KCNJ3: variants seen among roughly 807,000 people sequenced by gnomAD.
KCNJ3 encodes the protein potassium inwardly rectifying channel subfamily J member 3, also known as G protein-activated inward rectifier potassium channel 1.
A neutral mutation model predicts 39.2 loss-of-function variants in KCNJ3; 4 were observed. The ratio of observed to expected loss-of-function variants is 0.10; its 90% CI spans 0.05 to 0.23. The LOEUF (loss-of-function observed/expected upper bound fraction) is 0.23. KCNJ3 is among the 10% of genes least tolerant of loss of function. The pLI, the probability that KCNJ3 is intolerant of heterozygous loss-of-function variation, is 1.00. For missense variants in KCNJ3, 276 were observed against 634.9 expected (o/e 0.43, Z 6.08); for synonymous variants, 230 against 237.4 (o/e 0.97, Z 0.29).
intron 2 of KCNJ3, among the ~76,000 whole-genome samples, chr2:154,807,014 T>C (rs1446865136): frequency 1.3e-5 from 2 of 152,158 alleles, no homozygotes; most frequent in Admixed American, 1.3e-4. Context: ...AATGCCTCTG[T>C]TTCCATAATG....
At chr2:154,783,041 G>C (rs28523704) in intron 2 of KCNJ3, among the ~76,000 whole-genome samples, 5,778 of 152,068 alleles carry the variant, frequency 0.038, 220 homozygotes, top group African/African-American at 0.096. Context: ...AGCCGGGCGT[G>C]GTCGTGGGCA....
chr2:154,815,551 A>G (rs1687070554), intron 2 of KCNJ3, among the ~76,000 whole-genome samples: 1 of 152,228 alleles, frequency 6.6e-6, no homozygotes, highest in Non-Finnish European at 1.5e-5. Flanking sequence ...GACTAAATGG[A>G]TGGAAAATGT....
chr2:154,793,569 C>CA (rs1305953077), intron 2 of KCNJ3, among the ~76,000 whole-genome samples: 2 of 151,964 alleles, frequency 1.3e-5, no homozygotes, highest in African/African-American at 4.8e-5. Flanking sequence ...CTCAATTCTT[C>CA]AAAAAATATT....
intron 2 of KCNJ3, among the ~76,000 whole-genome samples, chr2:154,719,306 C>T (rs1685229559): frequency 6.6e-6 from 1 of 152,142 alleles, no homozygotes; most frequent in African/African-American, 2.4e-5. Context: ...TTGACTTAAC[C>T]TAAGCCATTG....
chr2:154,760,735 CTTTTTTT>C (rs887796000), intron 2 of KCNJ3, among the ~76,000 whole-genome samples: 2 of 127,752 alleles, frequency 1.6e-5, no homozygotes, highest in Admixed American at 7.9e-5. Context: ...TCTTTTTTTT[CTTTTTTT>C]TTTTTTTTTT....
At chr2:154,789,943 T>A (rs1261479454) in intron 2 of KCNJ3, among the ~76,000 whole-genome samples, 1 of 152,100 alleles carries the variant, frequency 6.6e-6, no homozygotes, top group Non-Finnish European at 1.5e-5. Context: ...TTAATAGGAA[T>A]ATGATGTATA....
intron 2 of KCNJ3, among the ~76,000 whole-genome samples, chr2:154,814,696 C>A (rs925983629): frequency 2.0e-5 from 3 of 151,904 alleles, no homozygotes; most frequent in African/African-American, 7.3e-5. Context: ...GGGAGGAAAT[C>A]TCTCAATATA....
At chr2:154,701,001 A>G (rs73019262) in intron 1 of KCNJ3, among the ~76,000 whole-genome samples, 18,417 of 152,170 alleles carry the variant, frequency 0.12, 1,186 homozygotes, top group East Asian at 0.19. Flanking sequence ...ATTTCAATGA[A>G]CTGCATACAA....
intron 2 of KCNJ3, among the ~76,000 whole-genome samples, chr2:154,781,646 G>T (rs954413612): frequency 1.7e-4 from 26 of 152,106 alleles, no homozygotes; most frequent in African/African-American, 6.0e-4. Context: ...CTTGGCTTTT[G>T]ATTGGTTTGT....
At chr2:154,725,191 C>G (rs1685332468) in intron 2 of KCNJ3, among the ~76,000 whole-genome samples, 1 of 150,852 alleles carries the variant, frequency 6.6e-6, no homozygotes, top group Non-Finnish European at 1.5e-5. Context: ...GATCACATTC[C>G]CACCTTGTCA....
At chr2:154,735,779 G>T (rs952135191) in intron 2 of KCNJ3, among the ~76,000 whole-genome samples, 32 of 152,250 alleles carry the variant, frequency 2.1e-4, no homozygotes, top group African/African-American at 7.0e-4. Flanking sequence ...ATTTTCTGCA[G>T]AATATTCCAC....
chr2:154,856,590 G>A lies in KCNJ3; in HGVS notation c.*1277G>A, dbSNP rs1687843034. The stretch of plus-strand genomic sequence containing the variant: ...ACTTATAGTTCAGGAGGAAGTTTTT[G>A]CACAGACCAGAGAGAAATTAAAATT... On this transcript the variant is annotated 3_prime_UTR_variant, in exon 3 of 3. Transcript: ENST00000295101. 1 of 152,036 alleles carries A rather than the reference G, an allele frequency of 6.6e-6. No individual in the cohort carries two copies. Among genetic ancestry groups the A allele is most frequent in the Admixed American group, 6.6e-5 (1 of 15,264 alleles). 9.4% of individuals were successfully genotyped at this position (152,036 alleles called of 1,614,324 possible).
chr2:154,718,782 G>A (rs897321854), intron 2 of KCNJ3, among the ~76,000 whole-genome samples: 9 of 152,122 alleles, frequency 5.9e-5, no homozygotes, highest in African/African-American at 1.4e-4. Context: ...ACATCTTAGA[G>A]TGGACATTTT....
chr2:154,767,921 A>G lies in KCNJ3; in HGVS notation c.919+58102A>G, dbSNP rs187746954. 4.3e-3 allele frequency among the ~76,000 whole-genome samples: 656 copies of G among 152,154 alleles called. 3 individuals are homozygous for G. The highest frequency in any genetic ancestry group is 0.015 in the African/African-American group (627 of 41,514). On this transcript the variant is annotated intron_variant, in intron 2 of 2. Coordinates refer to ENST00000295101, the MANE Select transcript of KCNJ3 (RefSeq NM_002239.4). Reference sequence around the variant, plus strand: ...GTATCTCATTGTGGTTTTGATTTGCATTTCTCTGATGGCCAGTGATGGTGA... The same window carrying G: ...GTATCTCATTGTGGTTTTGATTTGCGTTTCTCTGATGGCCAGTGATGGTGA...
chr2:154,747,727 G>A (rs1685772341), intron 2 of KCNJ3, among the ~76,000 whole-genome samples: 1 of 152,044 alleles, frequency 6.6e-6, no homozygotes, highest in African/African-American at 2.4e-5. Context: ...AATGAAATTA[G>A]AGTTGTAGGT....
chr2:154,831,116 G>A (rs540693652), intron 2 of KCNJ3, among the ~76,000 whole-genome samples: 1 of 152,202 alleles, frequency 6.6e-6, no homozygotes, highest in Admixed American at 6.5e-5. Flanking sequence ...GACCTCATCA[G>A]ATATTTTCTC....
chr2:154,745,891 C>T (rs926524143), intron 2 of KCNJ3, among the ~76,000 whole-genome samples: 9 of 151,902 alleles, frequency 5.9e-5, no homozygotes, highest in African/African-American at 1.7e-4. Context: ...CCCACTCAGC[C>T]GTCATTGATA....
chr2:154,793,469 C>T (rs2105211811), intron 2 of KCNJ3, among the ~76,000 whole-genome samples: 1 of 152,076 alleles, frequency 6.6e-6, no homozygotes, highest in South Asian at 2.1e-4. Context: ...AGTGGTCTTC[C>T]TTTTAACATC....
At chr2:154,727,448 C>T (rs1333388471) in intron 2 of KCNJ3, among the ~76,000 whole-genome samples, 2 of 151,082 alleles carry the variant, frequency 1.3e-5, no homozygotes, top group Admixed American at 1.3e-4. Flanking sequence ...CAAAATCAAC[C>T]AGGCGTGGTG....
Sources: gnomAD v4.1 joint callset for allele counts (sites outside exome capture counted in the v4.1 genomes callset) on GRCh38, gnomAD v4.1.1 for gene constraint, MANE v1.5 for transcripts, NCBI Gene and HGNC (gene_info 2026-07-23, HGNC 2026-07-21) for gene names.